KDM4C: variants seen among roughly 807,000 people sequenced by gnomAD.
The protein encoded by KDM4C is lysine-specific demethylase 4C.
A neutral mutation model predicts 129.3 loss-of-function variants in KDM4C; 81 were observed. The observed-to-expected ratio is 0.63, with a 90% CI of 0.52 to 0.75. The LOEUF (loss-of-function observed/expected upper bound fraction) is 0.75. KDM4C is among the 30% of genes least tolerant of loss of function. KDM4C has a pLI of 0.00. For synonymous variants in KDM4C, 573 were observed against 456.1 expected (o/e 1.26, Z -3.26); for missense variants, 1,457 against 1,304.0 (o/e 1.12, Z -1.81).
intron 4 of KDM4C, among the ~76,000 whole-genome samples, chr9:6,844,640 C>A (rs1837531765): frequency 6.6e-6 from 1 of 152,158 alleles, no homozygotes; most frequent in South Asian, 2.1e-4. Context: ...GTCTTAAGAG[C>A]TAGAGTTAAA....
chr9:6,849,925 T>G (rs1346181771), intron 5 of KDM4C, among the ~76,000 whole-genome samples: 5 of 152,192 alleles, frequency 3.3e-5, no homozygotes, highest in Non-Finnish European at 5.9e-5. Flanking sequence ...ATAACAATGT[T>G]TAGATCAATG....
rs976089346 is a variant in KDM4C at position 7,011,022 on chromosome 9, C to G, written c.1787-676C>G. ...TTGCACCATTGTACTCCAGCCTGGGCACGAAGAGCAAAACTCCATCTTAAA... is the reference window on the plus strand; with the variant it reads ...TTGCACCATTGTACTCCAGCCTGGGGACGAAGAGCAAAACTCCATCTTAAA... On this transcript the variant is annotated intron_variant, in intron 12 of 21. Coordinates refer to ENST00000381309, the MANE Select transcript of KDM4C (RefSeq NM_015061.6). Among the ~76,000 whole-genome samples, 3 of 151,954 alleles carry G rather than the reference C, an allele frequency of 2.0e-5. No homozygotes were observed. The East Asian group carries it at 5.8e-4, about 29-fold the overall frequency.
intron 8 of KDM4C, among the ~76,000 whole-genome samples, chr9:6,912,114 G>A (rs972310084): frequency 5.9e-5 from 9 of 152,180 alleles, no homozygotes; most frequent in Non-Finnish European, 1.0e-4. Flanking sequence ...CAAGGTGCAG[G>A]CAGAGCCAGG....
intron 4 of KDM4C, among the ~76,000 whole-genome samples, chr9:6,829,345 G>A (rs1395579610): frequency 6.6e-6 from 1 of 152,238 alleles, no homozygotes; most frequent in East Asian, 1.9e-4. Context: ...TGATTGGCAT[G>A]CCTAGAGGGG....
Position 7,157,065 on chromosome 9 carries a change from T to C in KDM4C, c.2782-8173T>C, listed in dbSNP as rs531366295. ...TTGTAGTTCTCCTTGAAGAGGTCCT[T>C]CACATCCCTTGTAAGTTGGATTCCT... On this transcript the variant is annotated intron_variant, in intron 19 of 21. Transcript: ENST00000381309. Among the ~76,000 whole-genome samples, 14 of 152,326 alleles carry C rather than the reference T, an allele frequency of 9.2e-5. No individual in the cohort carries two copies. In the East Asian group the frequency reaches 2.7e-3, roughly 29 times the overall value.
intron 19 of KDM4C, among the ~76,000 whole-genome samples, chr9:7,157,246 A>G (rs555299281): frequency 4.9e-4 from 75 of 152,164 alleles, no homozygotes; most frequent in African/African-American, 1.7e-3. Flanking sequence ...GCTTAAGGAG[A>G]TTTTGGGCTG....
rs148422215 is a variant in KDM4C at position 7,024,427 on chromosome 9, C to T, written c.2259+8498C>T. Among the ~76,000 whole-genome samples the T allele has an allele frequency of 2.0e-4, 30 of 151,312 alleles. 1 individual carries two copies. The East Asian group carries it at 5.8e-3, about 29-fold the overall frequency. ...ATACATGTGCCATGTTGGTGTGCTG[C>T]ACCCATTAACCTGTCATTTAGCATT... On this transcript the variant is annotated intron_variant, in intron 15 of 21. Transcript: ENST00000381309.
chr9:6,793,178 T>G, intron 2 of KDM4C, 46 bp downstream of exon 2: 2 of 1,581,686 alleles, frequency 1.3e-6, no homozygotes, highest in Non-Finnish European at 1.7e-6. Flanking sequence ...CACTTGGCCT[T>G]TAATTTATGT....
chr9:6,858,340 A>ACAC (rs34599130), intron 5 of KDM4C, among the ~76,000 whole-genome samples: 231 of 151,850 alleles, frequency 1.5e-3, no homozygotes, highest in African/African-American at 5.3e-3. Flanking sequence ...TCTTTTAGTT[A>ACAC]CACCACCACC....
chr9:6,876,469 C>A (rs1253005611), intron 5 of KDM4C, among the ~76,000 whole-genome samples: 2 of 152,186 alleles, frequency 1.3e-5, no homozygotes, highest in African/African-American at 4.8e-5. Flanking sequence ...TTAGATGGTG[C>A]TTTCCAGTTC....
chr9:7,023,481 A>G lies in KDM4C; in HGVS notation c.2259+7552A>G, dbSNP rs76812345. Among the ~76,000 whole-genome samples the G allele has an allele frequency of 9.1e-3, 1,389 of 152,064 alleles. 8 individuals carry two copies. The highest frequency in any genetic ancestry group is 0.012 in the Non-Finnish European group (846 of 67,936). On this transcript the variant is annotated intron_variant, in intron 15 of 21. Transcript: ENST00000381309. ...TTTGAATTTCTGTAATATCAGCTAT[A>G]ATGTCTCCTTTTTCATCTCTGATTT...
chr9:6,834,772 C>T (rs988747046), intron 4 of KDM4C: 35 of 1,214,256 alleles, frequency 2.9e-5, no homozygotes, highest in African/African-American at 1.9e-4. Context: ...TGCTGCTGAC[C>T]GAGGCCCCCC....
intron 9 of KDM4C, among the ~76,000 whole-genome samples, chr9:6,983,886 ATGT>A (rs768680231): frequency 4.1e-4 from 62 of 152,172 alleles, no homozygotes; most frequent in Admixed American, 3.1e-3. Context: ...GACTTTTAAA[ATGT>A]TGTCACAAAA....
intron 18 of KDM4C, among the ~76,000 whole-genome samples, chr9:7,111,810 A>G (rs906758217): frequency 2.0e-5 from 3 of 152,182 alleles, no homozygotes; most frequent in East Asian, 3.9e-4. Context: ...CCCCGTTTTT[A>G]TATATCCCTG....
intron 6 of KDM4C, among the ~76,000 whole-genome samples, chr9:6,885,640 T>G (rs1845144329): frequency 6.7e-6 from 1 of 149,470 alleles, no homozygotes; most frequent in African/African-American, 2.5e-5. Flanking sequence ...AAAAAGGCAG[T>G]TGACTTTAGT....
intron 8 of KDM4C, chr9:6,925,517 A>G (rs1817047666): frequency 6.8e-6 from 6 of 877,288 alleles, no homozygotes; most frequent in Non-Finnish European, 6.8e-6. Context: ...GCTGCTTTCA[A>G]TCTCCTGGCA....
chr9:6,845,104 A>G (rs556577049), intron 4 of KDM4C, among the ~76,000 whole-genome samples: 1 of 152,332 alleles, frequency 6.6e-6, no homozygotes, highest in Non-Finnish European at 1.5e-5. Context: ...CAAGGTTTCT[A>G]ACATGGCATG....
Position 6,751,059 on chromosome 9 carries a change from G to C in KDM4C, c.49+30062G>C, listed in dbSNP as rs150094121. On this transcript the variant is annotated intron_variant, in intron 1 of 17. Transcript: ENST00000536108. Reference sequence around the variant, plus strand: ...ACAGTCTCAGGACCGTATCATAAGAGAGTGAAAGCAGAAGCTGCAATGTAT... The same window carrying C: ...ACAGTCTCAGGACCGTATCATAAGACAGTGAAAGCAGAAGCTGCAATGTAT... Among the ~76,000 whole-genome samples, 249 of 152,280 alleles carry C rather than the reference G, an allele frequency of 1.6e-3. 1 individual carries two copies. Among genetic ancestry groups the C allele is most frequent in the African/African-American group, 5.7e-3 (235 of 41,552 alleles).
At chr9:7,019,758 T>TA (rs1293028177) in intron 15 of KDM4C, among the ~76,000 whole-genome samples, 1 of 103,362 alleles carries the variant, frequency 9.7e-6, no homozygotes, top group East Asian at 3.4e-4. Context: ...TTTTTATATA[T>TA]AAAAATATAA....
Sources: allele counts gnomAD v4.1 joint callset (sites outside exome capture counted in the v4.1 genomes callset), GRCh38; gene constraint gnomAD v4.1.1; transcripts MANE v1.5; gene names NCBI Gene and HGNC (gene_info 2026-07-23, HGNC 2026-07-21).